LRRC7: variants seen among roughly 807,000 people sequenced by gnomAD.
LRRC7 encodes leucine rich repeat containing 7.
Under a neutral mutation model 175.7 loss-of-function variants are expected in LRRC7, and 23 were observed. That is an observed-to-expected ratio of 0.13 (90% CI 0.09 to 0.19). LRRC7 has a LOEUF of 0.19. Among genes scored for constraint, LRRC7 ranks in the 10% least tolerant of loss-of-function variants. The probability of loss-of-function intolerance (pLI) is 1.00; values close to 1 mark genes in which losing one functional copy is unlikely to be tolerated. For missense variants in LRRC7, 1,354 were observed against 1,904.7 expected, an observed-to-expected ratio of 0.71 and a Z score of 5.38; for synonymous variants, 685 against 680.9, an observed-to-expected ratio of 1.01 and a Z score of -0.09.
chr1:69,851,387 T>G (rs762376306), intron 7 of LRRC7, among the ~76,000 whole-genome samples: 1 of 152,040 alleles, frequency 6.6e-6, no homozygotes, highest in African/African-American at 2.4e-5. Flanking sequence ...TAGATCTTAG[T>G]GGAGCATACT....
At chr1:69,995,726 C>T (rs1015931227) in intron 11 of LRRC7, among the ~76,000 whole-genome samples, 7 of 152,242 alleles carry the variant, frequency 4.6e-5, no homozygotes, top group East Asian at 3.9e-4. Flanking sequence ...CTACAAAGGA[C>T]GTGAACTCAT....
intron 1 of LRRC7, among the ~76,000 whole-genome samples, chr1:69,612,358 C>T (rs1398466656): frequency 6.6e-6 from 1 of 151,926 alleles, no homozygotes; most frequent in Non-Finnish European, 1.5e-5. Context: ...TTTCATTTCG[C>T]TAGACTTAGT....
intron 25 of LRRC7, among the ~76,000 whole-genome samples, chr1:70,092,976 G>A (rs1007252695): frequency 1.3e-5 from 2 of 152,084 alleles, no homozygotes; most frequent in African/African-American, 4.8e-5. Flanking sequence ...CCCTGCAGTT[G>A]ATATTGTCAA....
chr1:69,741,213 A>G (rs1668671221), intron 2 of LRRC7, among the ~76,000 whole-genome samples: 1 of 151,990 alleles, frequency 6.6e-6, no homozygotes, highest in Non-Finnish European at 1.5e-5. Context: ...TACAATGCCA[A>G]GTTATGCTTA....
At chr1:70,040,432 A>C (rs544997445) in intron 21 of LRRC7, among the ~76,000 whole-genome samples, 27 of 152,324 alleles carry the variant, frequency 1.8e-4, no homozygotes, top group Non-Finnish European at 2.4e-4. Context: ...TACTACAGAC[A>C]ACAAAAATAG....
At chr1:69,908,197 C>G (rs1646390288) in intron 7 of LRRC7, among the ~76,000 whole-genome samples, 1 of 152,138 alleles carries the variant, frequency 6.6e-6, no homozygotes, top group Non-Finnish European at 1.5e-5. Flanking sequence ...TTTTGTTGAT[C>G]TTTTCAAAAA....
At chr1:70,008,803 T>C (rs1656221381) in intron 11 of LRRC7, among the ~76,000 whole-genome samples, 1 of 152,220 alleles carries the variant, frequency 6.6e-6, no homozygotes, top group African/African-American at 2.4e-5. Flanking sequence ...ACACATGTTT[T>C]GCTGTCTGTG....
intron 7 of LRRC7, among the ~76,000 whole-genome samples, chr1:69,843,170 C>A (rs1681924756): frequency 6.6e-6 from 1 of 151,626 alleles, no homozygotes; most frequent in Non-Finnish European, 1.5e-5. Context: ...CCAGCCTGAG[C>A]AACAGAGTGA....
intron 7 of LRRC7, among the ~76,000 whole-genome samples, chr1:69,891,014 G>A (rs970211405): frequency 3.9e-5 from 6 of 152,328 alleles, no homozygotes; most frequent in African/African-American, 9.6e-5. Flanking sequence ...CACATTAGCA[G>A]TAAGCCTGTT....
rs552339451 is a variant in LRRC7, at chr1:69,663,700, A to ATTTTTTTTT, written c.3-14657_3-14649dup. Among the ~76,000 whole-genome samples the ATTTTTTTTT allele has an allele frequency of 1.1e-3, 74 of 67,738 alleles. 6 individuals carry two copies. The highest frequency in any genetic ancestry group is 1.1e-3 in the Admixed American group (5 of 4,524). The allele number at this position is 67,738 out of a possible 152,430, so 44.4% of individuals were successfully genotyped here. On this transcript the variant is annotated intron_variant, in intron 1 of 26. Coordinates refer to ENST00000651989, the MANE Select transcript of LRRC7 (RefSeq NM_001370785.2). Reference sequence around the variant, plus strand: ...TGTCTCCATTAGTTCAATCGTTTTAATTTTTTTTTTTTTTTTTTTTTTTTT... The same window carrying ATTTTTTTTT: ...TGTCTCCATTAGTTCAATCGTTTTAATTTTTTTTTTTTTTTTTTTTTTTTTTTTTTTTTT...
chr1:69,607,359 T>G (rs1647765341), intron 1 of LRRC7: 2 of 152,148 alleles, frequency 1.3e-5, no homozygotes, highest in African/African-American at 4.8e-5. Flanking sequence ...CATTTTATTT[T>G]ATTATAAAGG....
At chr1:70,111,106 T>C (rs1665497929) in intron 26 of LRRC7, among the ~76,000 whole-genome samples, 3 of 152,142 alleles carry the variant, frequency 2.0e-5, no homozygotes, top group Non-Finnish European at 4.4e-5. Flanking sequence ...CTTTTGGGGT[T>C]TAATCTAACC....
chr1:70,098,290 A>T, intron 25 of LRRC7, among the ~76,000 whole-genome samples: 1 of 152,180 alleles, frequency 6.6e-6, no homozygotes. Context: ...AAGACACAAC[A>T]TACCAAAATC....
chr1:70,063,351 A>T (rs182922658), intron 23 of LRRC7, among the ~76,000 whole-genome samples: 6 of 152,172 alleles, frequency 3.9e-5, no homozygotes, highest in Admixed American at 3.3e-4. Context: ...GTTTGGGGAG[A>T]AATCTAAAAG....
At chr1:70,001,466 T>C (rs1159553949) in intron 11 of LRRC7, among the ~76,000 whole-genome samples, 3 of 152,212 alleles carry the variant, frequency 2.0e-5, no homozygotes, top group African/African-American at 7.2e-5. Context: ...GATAATTATC[T>C]TAAAAGTATT....
intron 2 of LRRC7, among the ~76,000 whole-genome samples, chr1:69,755,772 C>G (rs180815951): frequency 1.4e-3 from 212 of 151,846 alleles, no homozygotes; most frequent in African/African-American, 4.5e-3. Context: ...TGGCTATACC[C>G]CAGGCAGAAG....
At chr1:70,111,718 C>T (rs377637010) in intron 26 of LRRC7, among the ~76,000 whole-genome samples, 1 of 151,984 alleles carries the variant, frequency 6.6e-6, no homozygotes, top group African/African-American at 2.4e-5. Flanking sequence ...CATACTGTAC[C>T]TGATAGTTAA....
chr1:69,741,004 A>G (rs1002490078), intron 2 of LRRC7, among the ~76,000 whole-genome samples: 3 of 151,960 alleles, frequency 2.0e-5, no homozygotes, highest in Admixed American at 1.3e-4. Flanking sequence ...AATAACGAAT[A>G]TTTATTAAGT....
chr1:70,051,575 A>G (rs1660748806), intron 22 of LRRC7, among the ~76,000 whole-genome samples: 2 of 152,008 alleles, frequency 1.3e-5, no homozygotes, highest in Admixed American at 6.6e-5. Context: ...TACTTTAAAC[A>G]TGTTGTCTAG....
Sources: allele counts gnomAD v4.1 joint callset (sites outside exome capture counted in the v4.1 genomes callset), GRCh38; gene constraint gnomAD v4.1.1; transcripts MANE v1.5; gene names NCBI Gene and HGNC (gene_info 2026-07-23, HGNC 2026-07-21).